Variants in ADGRB3 observed in about 807,000 individuals in gnomAD.
The protein encoded by ADGRB3 is adhesion G protein-coupled receptor B3.
A neutral mutation model predicts 193.4 loss-of-function variants in ADGRB3; 37 were observed. The ratio of observed to expected loss-of-function variants is 0.19; its 90% CI spans 0.15 to 0.25. ADGRB3 has a LOEUF of 0.25. Ranked by LOEUF, ADGRB3 falls within the 10% of genes least tolerant of loss-of-function variation. The probability of loss-of-function intolerance (pLI) is 1.00; values close to 1 mark genes in which losing one functional copy is unlikely to be tolerated. For missense variants in ADGRB3, 1,637 were observed against 1,852.9 expected (o/e 0.88, Z 2.14); for synonymous variants, 690 against 644.2 (o/e 1.07, Z -1.08).
chr6:68,999,141 A>G (rs2150277856), intron 11 of ADGRB3, among the ~76,000 whole-genome samples: 1 of 152,266 alleles, frequency 6.6e-6, no homozygotes, highest in South Asian at 2.1e-4. Context: ...TAATAATTTT[A>G]TTTTGGAAAA....
chr6:69,118,270 T>C (rs1269336722), intron 17 of ADGRB3, among the ~76,000 whole-genome samples: 1 of 152,170 alleles, frequency 6.6e-6, no homozygotes, highest in Non-Finnish European at 1.5e-5. Context: ...GCATTGATGA[T>C]TGAGTACCAG....
intron 13 of ADGRB3, among the ~76,000 whole-genome samples, chr6:69,027,078 C>T (rs4706820): frequency 0.076 from 11,609 of 152,036 alleles, 546 homozygotes; most frequent in Non-Finnish European, 0.11. Context: ...ACTTTATAAA[C>T]TTTTTTTTAA....
At chr6:69,190,917 C>T (rs1765172279) in intron 17 of ADGRB3, among the ~76,000 whole-genome samples, 1 of 150,510 alleles carries the variant, frequency 6.6e-6, no homozygotes, top group Non-Finnish European at 1.5e-5. Flanking sequence ...ATAAGCTGTA[C>T]CATATAGGTG....
At chr6:69,168,763 A>G (rs1775195662) in intron 17 of ADGRB3, among the ~76,000 whole-genome samples, 2 of 152,142 alleles carry the variant, frequency 1.3e-5, no homozygotes, top group African/African-American at 4.8e-5. Flanking sequence ...AATTACTCAT[A>G]TCATACCAAA....
intron 17 of ADGRB3, among the ~76,000 whole-genome samples, chr6:69,220,564 T>C (rs1430408978): frequency 6.6e-6 from 1 of 152,082 alleles, no homozygotes; most frequent in African/African-American, 2.4e-5. Context: ...GCCTGTATGA[T>C]CTATTGTTAT....
intron 13 of ADGRB3, among the ~76,000 whole-genome samples, chr6:69,019,061 TC>T (rs1770183201): frequency 6.6e-6 from 1 of 151,950 alleles, no homozygotes; most frequent in East Asian, 1.9e-4. Flanking sequence ...ATCTCTCAGG[TC>T]CCTCTGTAGT....
At chr6:69,364,672 G>A (rs181036587) in intron 29 of ADGRB3, among the ~76,000 whole-genome samples, 4 of 152,076 alleles carry the variant, frequency 2.6e-5, no homozygotes, top group Non-Finnish European at 4.4e-5. Context: ...TGGAACAATT[G>A]CAATACTAAT....
chr6:69,293,116 A>T (rs1359891298), intron 20 of ADGRB3, among the ~76,000 whole-genome samples: 1 of 152,212 alleles, frequency 6.6e-6, no homozygotes, highest in African/African-American at 2.4e-5. Context: ...CCAGGGGGCA[A>T]GGGGACAAAA....
intron 20 of ADGRB3, among the ~76,000 whole-genome samples, chr6:69,259,791 C>T (rs1045665309): frequency 1.1e-4 from 17 of 150,082 alleles, no homozygotes; most frequent in Non-Finnish European, 3.0e-5. Context: ...TTTAATTCAA[C>T]AAATATGTAA....
At chr6:69,185,676 C>A (rs186276462) in intron 17 of ADGRB3, among the ~76,000 whole-genome samples, 1 of 152,206 alleles carries the variant, frequency 6.6e-6, no homozygotes, top group Non-Finnish European at 1.5e-5. Flanking sequence ...GGTCTTGATT[C>A]ATGTAATTGA....
chr6:69,228,169 A>G (rs1024434821), intron 17 of ADGRB3, among the ~76,000 whole-genome samples: 3 of 152,214 alleles, frequency 2.0e-5, no homozygotes, highest in Non-Finnish European at 4.4e-5. Flanking sequence ...AGGCAGGAGA[A>G]TTGCTTGAAC....
intron 10 of ADGRB3, among the ~76,000 whole-genome samples, chr6:68,981,055 A>T (rs1768895682): frequency 6.6e-6 from 1 of 151,586 alleles, no homozygotes; most frequent in Admixed American, 6.6e-5. Flanking sequence ...TGGTCCTCTC[A>T]TGAAATCATG....
intron 13 of ADGRB3, among the ~76,000 whole-genome samples, chr6:69,040,392 T>TTTCTTTCTTTCTTTCTTTCC (rs1562133338): frequency 6.8e-6 from 1 of 147,190 alleles, no homozygotes; most frequent in South Asian, 2.2e-4. Flanking sequence ...TCTCTCTTTC[T>TTTCTTTCTTTCTTTCTTTCC]TTCCTTCACG....
intron 12 of ADGRB3, among the ~76,000 whole-genome samples, 196 bp from the exon 13 acceptor site, chr6:69,018,195 T>C (rs1490232753): frequency 6.6e-6 from 1 of 151,908 alleles, no homozygotes; most frequent in Admixed American, 6.6e-5. Context: ...TCATATTACT[T>C]CCAAAGTTCC....
intron 20 of ADGRB3, among the ~76,000 whole-genome samples, chr6:69,297,410 C>CTCTCTCTA (rs1554192101): frequency 3.9e-5 from 5 of 128,312 alleles, no homozygotes; most frequent in African/African-American, 1.2e-4. Flanking sequence ...CTCTCTCTCT[C>CTCTCTCTA]TATATATATA....
At chr6:68,976,983 T>A (rs13197819) in intron 10 of ADGRB3, among the ~76,000 whole-genome samples, 1 of 149,536 alleles carries the variant, frequency 6.7e-6, no homozygotes, top group Non-Finnish European at 1.5e-5. Flanking sequence ...AAACATAAAG[T>A]TTTATATTTA....
chr6:69,101,051 G>C (rs984363198), intron 17 of ADGRB3, among the ~76,000 whole-genome samples: 1 of 150,816 alleles, frequency 6.6e-6, no homozygotes, highest in African/African-American at 2.4e-5. Context: ...GAAGCCATAG[G>C]GTAACGCATT....
At chr6:68,904,353 A>G (rs1310894094) in intron 3 of ADGRB3, among the ~76,000 whole-genome samples, 1 of 152,146 alleles carries the variant, frequency 6.6e-6, no homozygotes. Context: ...TGAATTTTTC[A>G]GTTATAATCT....
At chr6:69,061,207 G>A (rs994251241) in intron 15 of ADGRB3, among the ~76,000 whole-genome samples, 2 of 151,894 alleles carry the variant, frequency 1.3e-5, no homozygotes, top group South Asian at 2.1e-4. Context: ...GTTTAAAAAA[G>A]TGTCATTTGA....
Sources: gnomAD v4.1 joint callset for allele counts (sites outside exome capture counted in the v4.1 genomes callset) on GRCh38, gnomAD v4.1.1 for gene constraint, MANE v1.5 for transcripts, NCBI Gene and HGNC (gene_info 2026-07-23, HGNC 2026-07-21) for gene names.